The following CCM2 variants were observed in gnomAD, a reference collection of about 807,000 sequenced individuals.
The protein encoded by CCM2 is CCM2 scaffold protein, also known as cerebral cavernous malformations 2 protein.
Under a neutral mutation model 44.9 loss-of-function variants are expected in CCM2, and 25 were observed. The observed-to-expected ratio is 0.56, with a 90% CI of 0.41 to 0.78. The LOEUF is 0.78. CCM2 is among the 30% of genes least tolerant of loss of function. The pLI is 0.00. For missense variants in CCM2, 481 were observed against 580.6 expected, an observed-to-expected ratio of 0.83 and a Z score of 1.76; for synonymous variants, 219 against 241.1, an observed-to-expected ratio of 0.91 and a Z score of 0.85.
chr7:45,021,107 C>T (rs1796463986), intron 1 of CCM2, among the ~76,000 whole-genome samples: 1 of 151,956 alleles, frequency 6.6e-6, no homozygotes, highest in South Asian at 2.1e-4. Flanking sequence ...AGCTGTTGCA[C>T]CAAAGCCAGG....
intron 1 of CCM2, among the ~76,000 whole-genome samples, chr7:45,000,628 A>T (rs1050791265): frequency 8.0e-4 from 122 of 152,132 alleles, no homozygotes; most frequent in Non-Finnish European, 1.6e-3. Flanking sequence ...GCGCGTCGGG[A>T]CCTGGGGCTG....
At chr7:45,016,617 CT>C (rs1796276379) in intron 1 of CCM2, among the ~76,000 whole-genome samples, 1 of 149,856 alleles carries the variant, frequency 6.7e-6, no homozygotes, top group Non-Finnish European at 1.5e-5. Context: ...GCATGAGCCA[CT>C]GTGCCTGGCC....
At chr7:45,045,679 T>TC (rs1797720235) in intron 2 of CCM2, among the ~76,000 whole-genome samples, 2 of 152,116 alleles carry the variant, frequency 1.3e-5, no homozygotes, top group Non-Finnish European at 2.9e-5. Flanking sequence ...TAGTCCCAGC[T>TC]ACTCGGGAGG....
At chr7:45,053,887 G>A (rs1360490338) in intron 2 of CCM2, among the ~76,000 whole-genome samples, 1 of 152,118 alleles carries the variant, frequency 6.6e-6, no homozygotes, top group Non-Finnish European at 1.5e-5. Context: ...TCGATACCTG[G>A]ATCCACTTTG....
At chr7:45,000,960 A>G (rs1359657940) in intron 1 of CCM2, among the ~76,000 whole-genome samples, 1 of 152,256 alleles carries the variant, frequency 6.6e-6, no homozygotes, top group Non-Finnish European at 1.5e-5. Context: ...TCGATAAAGA[A>G]ACATTTTAAG....
At chr7:45,061,196 G>T (rs1798502806) in intron 2 of CCM2, among the ~76,000 whole-genome samples, 1 of 152,194 alleles carries the variant, frequency 6.6e-6, no homozygotes, top group Admixed American at 6.5e-5. Context: ...GGCTTTCAGG[G>T]GAGAGGAAGT....
At chr7:45,051,707 C>T (rs562846068) in intron 2 of CCM2, among the ~76,000 whole-genome samples, 34 of 152,320 alleles carry the variant, frequency 2.2e-4, no homozygotes, top group African/African-American at 7.7e-4. Flanking sequence ...ACCACAGGCA[C>T]GTGCCACCAC....
chr7:45,038,204 A>G, intron 1 of CCM2, 49 bp from the exon 2 acceptor site: 1 of 1,609,450 alleles, frequency 6.2e-7, no homozygotes. Flanking sequence ...GGTACAACAC[A>G]AAGCATTTGT....
intron 2 of CCM2, chr7:45,063,039 A>AG (rs2128746796): frequency 6.6e-6 from 1 of 151,828 alleles, no homozygotes; most frequent in Non-Finnish European, 1.5e-5. Flanking sequence ...TGTGCTCACA[A>AG]GGGCAGAGCT....
intron 8 of CCM2, 89 bp from the exon 9 acceptor site, chr7:45,074,181 G>A: frequency 6.3e-7 from 1 of 1,598,044 alleles, no homozygotes; most frequent in Admixed American, 1.7e-5. Context: ...TGGTGCTCTG[G>A]CTGGGGTTAG....
intron 1 of CCM2, among the ~76,000 whole-genome samples, chr7:45,012,915 A>C (rs1365432975): frequency 6.6e-6 from 1 of 152,126 alleles, no homozygotes; most frequent in Non-Finnish European, 1.5e-5. Context: ...TTTAAACTGC[A>C]TGCTTTATAA....
chr7:45,075,722 G>A, intron 9 of CCM2, 55 bp from the exon 10 acceptor site: 1 of 1,611,146 alleles, frequency 6.2e-7, no homozygotes, highest in Non-Finnish European at 8.5e-7. Context: ...TGAGAGAAGA[G>A]CTGAGTGGGC....
chr7:45,069,847 T>G lies in CCM2; in HGVS notation c.631T>G (p.Cys211Gly). The change falls in exon 6 of 10, where the codon TGT (cysteine) becomes GGT (glycine). Residue 211 changes from cysteine to glycine, a missense_variant. Cys to Gly is a radical substitution (Grantham distance 159, BLOSUM62 -3). Coordinates refer to ENST00000258781, the MANE Select transcript of CCM2 (RefSeq NM_031443.4). Reference sequence around the variant, plus strand: ...GCAGGTCGCTGCGGAGGAGCTTTGCTGTCTGCTAGGCCAGGTCTTCCAGGT... The same window carrying G: ...GCAGGTCGCTGCGGAGGAGCTTTGCGGTCTGCTAGGCCAGGTCTTCCAGGT... Reference protein sequence around the residue: ...ESKVAAEELCCLLGQVFQVVY... With the variant: ...ESKVAAEELCGLLGQVFQVVY... 1.2e-6 allele frequency: 2 copies of G among 1,614,232 alleles called. No homozygotes were observed. Among genetic ancestry groups the G allele is most frequent in the Middle Eastern group, 1.6e-4 (1 of 6,062 alleles).
At chr7:45,009,292 C>A (rs1253837719) in intron 1 of CCM2, among the ~76,000 whole-genome samples, 5 of 94,626 alleles carry the variant, frequency 5.3e-5, no homozygotes, top group Admixed American at 1.1e-4. Context: ...CAGAGGGAGC[C>A]TCTGTCTCAA....
intron 1 of CCM2, among the ~76,000 whole-genome samples, chr7:45,000,611 C>A (rs1226768280): frequency 6.6e-6 from 1 of 152,188 alleles, no homozygotes; most frequent in African/African-American, 2.4e-5. Context: ...CCCAGACGGC[C>A]TTCCCTGCGC....
intron 1 of CCM2, among the ~76,000 whole-genome samples, chr7:45,024,525 C>G (rs913614336): frequency 1.3e-5 from 2 of 152,158 alleles, no homozygotes; most frequent in African/African-American, 2.4e-5. Context: ...ATCTTTTTCT[C>G]TCTTGGATGA....
rs954226954 is a variant in CCM2 at position 45,076,439 on chromosome 7, A to G, written c.*382A>G. 10 of 377,752 alleles carry G rather than the reference A, an allele frequency of 2.6e-5. No individual in the cohort carries two copies. The highest frequency in any genetic ancestry group is 2.1e-4 in the African/African-American group (10 of 47,572). 23.4% of individuals were successfully genotyped at this position (377,752 alleles called of 1,614,324 possible). Reference sequence around the variant, plus strand: ...AGACCTTAAAAAGAAGTTTACTGCAATGTGAATAATTTAATCTCTGGTTGC... The same window carrying G: ...AGACCTTAAAAAGAAGTTTACTGCAGTGTGAATAATTTAATCTCTGGTTGC... On this transcript the variant is annotated 3_prime_UTR_variant, in exon 10 of 10. Coordinates refer to ENST00000258781, the MANE Select transcript of CCM2 (RefSeq NM_031443.4).
At chr7:45,007,171 A>G (rs1337037942) in intron 1 of CCM2, among the ~76,000 whole-genome samples, 1 of 152,042 alleles carries the variant, frequency 6.6e-6, no homozygotes, top group Non-Finnish European at 1.5e-5. Flanking sequence ...CTGTATGTAA[A>G]CCATAAATCA....
At chr7:45,055,498 C>G (rs1375896772) in intron 2 of CCM2, among the ~76,000 whole-genome samples, 6 of 152,112 alleles carry the variant, frequency 3.9e-5, no homozygotes, top group African/African-American at 1.4e-4. Context: ...ACCAGCCTGG[C>G]CAAGATGGTG....
Sources: gnomAD v4.1 joint callset for allele counts (sites outside exome capture counted in the v4.1 genomes callset) on GRCh38, gnomAD v4.1.1 for gene constraint, MANE v1.5 for transcripts, NCBI Gene and HGNC (gene_info 2026-07-23, HGNC 2026-07-21) for gene names.